ADK: variants seen among roughly 807,000 people sequenced by gnomAD.
ADK encodes N6,N6-dimethyladenosine kinase.
ADK carries 24 observed loss-of-function variants against 44.7 expected under a neutral mutation model. The observed-to-expected ratio is 0.54, with a 90% CI of 0.39 to 0.76. The LOEUF (loss-of-function observed/expected upper bound fraction) is 0.76, where lower values mean the gene tolerates loss of function less well. ADK is among the 30% of genes least tolerant of loss of function. The pLI, the probability that ADK is intolerant of heterozygous loss-of-function variation, is 0.00. For missense variants in ADK, 321 were observed against 425.1 expected, an observed-to-expected ratio of 0.76 and a Z score of 2.15; for synonymous variants, 128 against 142.6, an observed-to-expected ratio of 0.90 and a Z score of 0.73.
intron 6 of ADK, among the ~76,000 whole-genome samples, chr10:74,498,894 C>T (rs564132984): frequency 1.5e-4 from 23 of 152,322 alleles, no homozygotes; most frequent in African/African-American, 5.3e-4. Context: ...ATGATGTGTT[C>T]ATGTCCTTTG....
At chr10:74,473,239 G>A (rs917302441) in intron 6 of ADK, among the ~76,000 whole-genome samples, 3 of 151,814 alleles carry the variant, frequency 2.0e-5, no homozygotes, top group Admixed American at 6.6e-5. Context: ...GAGCCACTGT[G>A]CCTGGCCTAA....
At chr10:74,407,034 G>T (rs1343719342) in intron 6 of ADK, among the ~76,000 whole-genome samples, 3 of 149,940 alleles carry the variant, frequency 2.0e-5, no homozygotes, top group African/African-American at 7.4e-5. Flanking sequence ...CCAAGCTGGA[G>T]TGCAGTGGCA....
rs543358729 is a variant in ADK at position 74,701,898 on chromosome 10, C to G, written c.965-6423C>G. 2.0e-5 allele frequency among the ~76,000 whole-genome samples: 3 copies of G among 152,208 alleles called. No individual in the cohort carries two copies. The South Asian group carries it at 6.2e-4, about 32-fold the overall frequency. On this transcript the variant is annotated intron_variant, in intron 10 of 10. Coordinates refer to ENST00000539909, the MANE Select transcript of ADK (RefSeq NM_006721.4). Reference sequence around the variant, plus strand: ...GGTGGAGGTTGCAGTGAGCTGAGATCGTACCACTGCACTCCAGCCTCGGTG... The same window carrying G: ...GGTGGAGGTTGCAGTGAGCTGAGATGGTACCACTGCACTCCAGCCTCGGTG...
intron 6 of ADK, among the ~76,000 whole-genome samples, chr10:74,420,982 T>A (rs1184751802): frequency 6.6e-6 from 1 of 152,326 alleles, no homozygotes; most frequent in East Asian, 1.9e-4. Flanking sequence ...TACATGATAC[T>A]ATGCATTTGT....
intron 2 of ADK, among the ~76,000 whole-genome samples, chr10:74,218,015 G>A (rs1490519412): frequency 2.6e-5 from 4 of 152,200 alleles, no homozygotes; most frequent in African/African-American, 4.8e-5. Context: ...GAACAAAGCT[G>A]GACGGAGAAT....
At chr10:74,482,698 G>A (rs572589779) in intron 6 of ADK, among the ~76,000 whole-genome samples, 1 of 152,288 alleles carries the variant, frequency 6.6e-6, no homozygotes, top group South Asian at 2.1e-4. Flanking sequence ...GTAAATCCCT[G>A]TTCCAAAAGG....
At chr10:74,287,619 T>C (rs558305515) in intron 3 of ADK, among the ~76,000 whole-genome samples, 2 of 152,218 alleles carry the variant, frequency 1.3e-5, no homozygotes, top group East Asian at 3.9e-4. Flanking sequence ...AGCAGAAATA[T>C]AAATGGAAAA....
intron 9 of ADK, among the ~76,000 whole-genome samples, chr10:74,639,417 T>C (rs150718774): frequency 6.6e-6 from 1 of 152,338 alleles, no homozygotes; most frequent in African/African-American, 2.4e-5. Flanking sequence ...AACTTGAAAC[T>C]ATATATATTA....
At chr10:74,285,201 T>G (rs1169761869) in intron 3 of ADK, among the ~76,000 whole-genome samples, 1 of 152,208 alleles carries the variant, frequency 6.6e-6, no homozygotes, top group African/African-American at 2.4e-5. Flanking sequence ...AGAGGAGGGA[T>G]ATCTAGTTTA....
intron 9 of ADK, among the ~76,000 whole-genome samples, chr10:74,622,424 A>AT (rs1442722779): frequency 6.6e-6 from 1 of 151,830 alleles, no homozygotes; most frequent in African/African-American, 2.4e-5. Context: ...TCCCTTCTTT[A>AT]TTTAAAAAAA....
At position 74,595,962 on chromosome 10, in the gene ADK, A is replaced by C. The variant is rs1470451955; in HGVS notation, c.763-4417A>C. On this transcript the variant is annotated intron_variant, in intron 8 of 10. Transcript: ENST00000539909. ...CAGTGAGCCAAGATCGCACCATTGC[A>C]CTCCAGCCTGGGCAACAAGAGCGAA... 4.9e-5 allele frequency among the ~76,000 whole-genome samples: 7 copies of C among 141,936 alleles called. No individual in the cohort carries two copies. In the South Asian group the frequency reaches 9.4e-4, roughly 19 times the overall value. 93.1% of individuals were successfully genotyped at this position (141,936 alleles called of 152,430 possible).
At chr10:74,589,840 C>G (rs972132131) in intron 8 of ADK, among the ~76,000 whole-genome samples, 1 of 152,164 alleles carries the variant, frequency 6.6e-6, no homozygotes, top group Non-Finnish European at 1.5e-5. Flanking sequence ...TAAACTTACT[C>G]TTTGAACCTA....
At chr10:74,177,671 G>T (rs990108492) in intron 1 of ADK, among the ~76,000 whole-genome samples, 16 of 151,978 alleles carry the variant, frequency 1.1e-4, no homozygotes, top group Non-Finnish European at 2.4e-4. Context: ...GTTCTGACTG[G>T]CCTTTTTAAA....
intron 6 of ADK, among the ~76,000 whole-genome samples, chr10:74,413,947 A>G (rs80080009): frequency 0.026 from 4,023 of 152,322 alleles, 61 homozygotes; most frequent in Non-Finnish European, 0.042. Flanking sequence ...TAGGAGAGGT[A>G]GAGAGATGGG....
chr10:74,376,777 CTTT>C (rs35675013), intron 4 of ADK, among the ~76,000 whole-genome samples: 7 of 135,368 alleles, frequency 5.2e-5, no homozygotes, highest in Non-Finnish European at 7.8e-5. Flanking sequence ...TCTCTCTCGT[CTTT>C]TTTTTTTTTT....
At chr10:74,193,199 A>G (rs529224208) in intron 1 of ADK, among the ~76,000 whole-genome samples, 7 of 151,792 alleles carry the variant, frequency 4.6e-5, no homozygotes, top group Non-Finnish European at 1.0e-4. Context: ...TATAGTGTCT[A>G]TATAGTGTCT....
chr10:74,301,203 C>A (rs1317347316), intron 3 of ADK, among the ~76,000 whole-genome samples: 1 of 151,970 alleles, frequency 6.6e-6, no homozygotes, highest in South Asian at 2.1e-4. Flanking sequence ...TGAATATTTG[C>A]GATCAATTTT....
At chr10:74,482,027 G>T (rs1847091919) in intron 6 of ADK, among the ~76,000 whole-genome samples, 1 of 152,124 alleles carries the variant, frequency 6.6e-6, no homozygotes, top group South Asian at 2.1e-4. Flanking sequence ...TAAGGAAATT[G>T]CCCTGCTTTT....
At chr10:74,404,843 A>G (rs369903860) in intron 6 of ADK, among the ~76,000 whole-genome samples, 1 of 152,298 alleles carries the variant, frequency 6.6e-6, no homozygotes, top group South Asian at 2.1e-4. Context: ...ACACACAGAG[A>G]AAATTACTCA....
Sources: allele counts gnomAD v4.1 joint callset (sites outside exome capture counted in the v4.1 genomes callset), GRCh38; gene constraint gnomAD v4.1.1; transcripts MANE v1.5; gene names NCBI Gene and HGNC (gene_info 2026-07-23, HGNC 2026-07-21).